The following MEI1 variants were observed in gnomAD, a reference collection of about 807,000 sequenced individuals.
MEI1 encodes meiosis inhibitor protein 1.
In MEI1, 103 loss-of-function variants were observed where a neutral mutation model predicts 146.2. The ratio of observed to expected loss-of-function variants is 0.70; its 90% CI spans 0.60 to 0.83. The LOEUF (loss-of-function observed/expected upper bound fraction) is 0.83. Ranked by LOEUF, MEI1 falls within the 40% of genes least tolerant of loss-of-function variation. The pLI is 0.00. For synonymous variants in MEI1, 652 were observed against 628.2 expected (o/e 1.04, Z -0.57); for missense variants, 1,529 against 1,533.0 (o/e 1.00, Z 0.04).
intron 21 of MEI1, among the ~76,000 whole-genome samples, chr22:41,776,624 G>A (rs1426495479): frequency 1.3e-5 from 2 of 152,142 alleles, no homozygotes; most frequent in African/African-American, 4.8e-5. Context: ...GCAGTCCGCA[G>A]GGGCTGGGGA....
chr22:41,782,518 C>T (rs1264715019), intron 24 of MEI1, among the ~76,000 whole-genome samples: 1 of 152,182 alleles, frequency 6.6e-6, no homozygotes, highest in Admixed American at 6.5e-5. Context: ...CAGTGCCCTG[C>T]GTGAGCTCCT....
intron 18 of MEI1, among the ~76,000 whole-genome samples, chr22:41,760,776 G>A (rs997174250): frequency 2.0e-5 from 3 of 152,138 alleles, no homozygotes; most frequent in East Asian, 1.9e-4. Flanking sequence ...ATGCACCGGC[G>A]GTCAGAGTGA....
At chr22:41,760,853 G>T (rs546978090) in intron 18 of MEI1, among the ~76,000 whole-genome samples, 1 of 152,152 alleles carries the variant, frequency 6.6e-6, no homozygotes, top group African/African-American at 2.4e-5. Context: ...GTGTAACATC[G>T]GGTTCTAAGT....
chr22:41,753,119 A>G (rs187602350), intron 16 of MEI1, among the ~76,000 whole-genome samples: 1 of 152,030 alleles, frequency 6.6e-6, no homozygotes, highest in African/African-American at 2.4e-5. Flanking sequence ...CCTGGGTTCA[A>G]GCAATTCTCC....
Position 41,723,062 on chromosome 22 carries a change from G to A in MEI1, c.734-881G>A, listed in dbSNP as rs181243459. The stretch of plus-strand genomic sequence containing the variant: ...TTCTCCCCACTTCACCTACTTTTAC[G>A]TACTTATTTTTCAGATTCAGCTTAA... On this transcript the variant is annotated intron_variant, in intron 6 of 30. Coordinates refer to ENST00000401548, the MANE Select transcript of MEI1 (RefSeq NM_152513.4). Among the ~76,000 whole-genome samples the A allele has an allele frequency of 2.1e-3, 315 of 152,112 alleles. 2 individuals carry two copies. The highest frequency in any genetic ancestry group is 6.1e-3 in the African/African-American group (254 of 41,476).
intron 26 of MEI1, among the ~76,000 whole-genome samples, chr22:41,788,002 T>G (rs2076050155): frequency 6.6e-6 from 1 of 152,148 alleles, no homozygotes; most frequent in Non-Finnish European, 1.5e-5. Flanking sequence ...GATTTCAAAT[T>G]TTTAATTACA....
At chr22:41,791,312 C>A (rs1005426814) in intron 26 of MEI1, among the ~76,000 whole-genome samples, 1 of 150,614 alleles carries the variant, frequency 6.6e-6, no homozygotes, top group Non-Finnish European at 1.5e-5. Context: ...CACAGCACAA[C>A]CCTATCTCTA....
At chr22:41,721,799 C>T (rs910544087) in intron 6 of MEI1, among the ~76,000 whole-genome samples, 13 of 141,832 alleles carry the variant, frequency 9.2e-5, no homozygotes, top group African/African-American at 3.2e-4. Context: ...CAGCTCACTG[C>T]AACCTCTGCC....
chr22:41,726,441 A>G (rs924587188), intron 7 of MEI1, among the ~76,000 whole-genome samples: 1 of 152,220 alleles, frequency 6.6e-6, no homozygotes, highest in South Asian at 2.1e-4. Flanking sequence ...GTACTTAAAC[A>G]ACAACAGGGA....
intron 7 of MEI1, among the ~76,000 whole-genome samples, chr22:41,725,563 C>G (rs1601762152): frequency 6.6e-6 from 1 of 152,214 alleles, no homozygotes; most frequent in Non-Finnish European, 1.5e-5. Context: ...TATCCTTCAG[C>G]CTCACTTTCC....
Position 41,763,315 on chromosome 22 carries a change from A to G in MEI1, c.2262A>G (p.Leu754=). The G allele has an allele frequency of 1.2e-6, 2 of 1,613,822 alleles. No individual in the cohort carries two copies. Among genetic ancestry groups the G allele is most frequent in the Non-Finnish European group, 1.7e-6 (2 of 1,179,828 alleles). ...LAICQDKDNT[L]RETMVSAIRK... is the part of the protein sequence containing the mutation. ...TCTGCCAGGACAAAGACAATACACT[A>G]CGTGAGGTATGGACCACAATGCCTG... Residue 754 remains leucine, a synonymous_variant, in exon 19 of 31, where the codon CTA becomes CTG. Transcript: ENST00000401548.
chr22:41,747,273 A>G (rs2073373185), intron 14 of MEI1: 1 of 150,674 alleles, frequency 6.6e-6, no homozygotes, highest in African/African-American at 2.5e-5. Context: ...TGTGTTTACC[A>G]CATAAGACTG....
At chr22:41,721,318 C>T (rs13056216) in intron 6 of MEI1, among the ~76,000 whole-genome samples, 42,612 of 147,184 alleles carry the variant, frequency 0.29, 6,696 homozygotes, top group Non-Finnish European at 0.36. Context: ...AATCTCGGCT[C>T]GCTGCAACCT....
At chr22:41,716,309 A>G (rs2070147995) in intron 5 of MEI1, among the ~76,000 whole-genome samples, 163 bp downstream of exon 5, 1 of 150,992 alleles carries the variant, frequency 6.6e-6, no homozygotes, top group African/African-American at 2.4e-5. Context: ...GTCAATTTGA[A>G]AAAGGTCAGT....
At chr22:41,765,723 C>A (rs1200638686) in intron 19 of MEI1, among the ~76,000 whole-genome samples, 1 of 151,790 alleles carries the variant, frequency 6.6e-6, no homozygotes, top group East Asian at 1.9e-4. Context: ...TTCAGAGAGT[C>A]ATTTTATTCA....
chr22:41,753,994 G>A lies in MEI1; in HGVS notation c.1899G>A (p.Met633Ile), dbSNP rs762338492. The change falls in exon 17 of 31, where the codon ATG (methionine) becomes ATA (isoleucine). Residue 633 changes from methionine (M) to isoleucine (I), a missense_variant. Coordinates refer to ENST00000401548, the MANE Select transcript of MEI1 (RefSeq NM_152513.4). ...TGTGTTCCAATTTCCTCTACTATAT[G>A]TGCCTCAACCTTCTCTCAGCTCCAG... ...NQVCSNFLYY[M>I]CLNLLSAPEK... The A allele has an allele frequency of 6.2e-7, 1 of 1,613,728 alleles. No individual in the cohort carries two copies. Among genetic ancestry groups the A allele is most frequent in the Middle Eastern group, 1.6e-4 (1 of 6,062 alleles).
rs775038507 is a variant in MEI1 at position 41,784,434 on chromosome 22, A to G, written c.3169+14A>G. 6.8e-6 allele frequency: 11 copies of G among 1,613,376 alleles called. No homozygotes were observed. The highest frequency in any genetic ancestry group is 1.7e-5 in the Admixed American group (1 of 59,984). On this transcript the variant is annotated intron_variant, in intron 25 of 30. Transcript: ENST00000401548. ...CACTACTCTCAGGTATGGGTCCACA[A>G]GTCTCCAGCAGAAGAAAAGCTTTTT...
intron 2 of MEI1, 78 bp downstream of exon 2, chr22:41,703,532 G>T (rs2068864923): frequency 4.6e-6 from 6 of 1,299,534 alleles, no homozygotes; most frequent in Admixed American, 3.5e-5. Context: ...TTGGAAAAAT[G>T]ATCTTAGATG....
Position 41,724,048 on chromosome 22 carries a change from C to A in MEI1, c.839C>A (p.Thr280Asn), listed in dbSNP as rs748043340. 1 of 1,613,898 alleles carries A rather than the reference C, an allele frequency of 6.2e-7. No homozygotes were observed. Among genetic ancestry groups the A allele is most frequent in the Non-Finnish European group, 8.5e-7 (1 of 1,179,832 alleles). Reference sequence around the variant, plus strand: ...AATATCGAAGGGTCATCAGGAAATACCTCACTGCCTTTGGTGCTCAAAAAG... The same window carrying A: ...AATATCGAAGGGTCATCAGGAAATAACTCACTGCCTTTGGTGCTCAAAAAG... Reference protein sequence around the residue: ...AKNIEGSSGNTSLPLVLKKLL... With the variant: ...AKNIEGSSGNNSLPLVLKKLL... Residue 280 changes from threonine to asparagine, a missense_variant, in exon 7 of 31, where the codon ACC (threonine) becomes AAC (asparagine). Transcript: ENST00000401548.
Sources: gnomAD v4.1 joint callset for allele counts (sites outside exome capture counted in the v4.1 genomes callset) on GRCh38, gnomAD v4.1.1 for gene constraint, MANE v1.5 for transcripts, NCBI Gene and HGNC (gene_info 2026-07-23, HGNC 2026-07-21) for gene names.